RNGTT: variants seen among roughly 807,000 people sequenced by gnomAD.
RNGTT encodes RNA guanylyltransferase and 5'-phosphatase.
RNGTT carries 33 observed loss-of-function variants against 79.3 expected under a neutral mutation model. That is an observed-to-expected ratio of 0.42 (90% CI 0.32 to 0.56). RNGTT has a LOEUF of 0.56. RNGTT is among the 20% of genes least tolerant of loss of function. The probability of loss-of-function intolerance (pLI) is 0.17; values close to 1 mark genes in which losing one functional copy is unlikely to be tolerated. For missense variants in RNGTT, 497 were observed against 739.1 expected, an observed-to-expected ratio of 0.67 and a Z score of 3.80; for synonymous variants, 222 against 235.9, an observed-to-expected ratio of 0.94 and a Z score of 0.54.
At chr6:88,619,976 A>G (rs1475807008) in intron 14 of RNGTT, among the ~76,000 whole-genome samples, 1 of 152,236 alleles carries the variant, frequency 6.6e-6, no homozygotes, top group Non-Finnish European at 1.5e-5. Flanking sequence ...TAGCAGGGCC[A>G]TGACGTATTA....
chr6:88,872,994 C>G (rs1168206576), intron 8 of RNGTT, among the ~76,000 whole-genome samples: 7 of 151,930 alleles, frequency 4.6e-5, no homozygotes, highest in Non-Finnish European at 1.0e-4. Context: ...ACACAACACA[C>G]AGGTTATTCC....
chr6:88,810,169 A>C (rs565306048), intron 11 of RNGTT, among the ~76,000 whole-genome samples: 1 of 152,218 alleles, frequency 6.6e-6, no homozygotes, highest in African/African-American at 2.4e-5. Flanking sequence ...GAATTTCATA[A>C]TCTCAGATAT....
intron 14 of RNGTT, among the ~76,000 whole-genome samples, chr6:88,652,460 A>C (rs1329227505): frequency 6.6e-6 from 1 of 152,178 alleles, no homozygotes; most frequent in African/African-American, 2.4e-5. Context: ...ATTTACTGGA[A>C]TACATCTCTT....
chr6:88,924,006 G>A (rs1784242048), intron 4 of RNGTT, among the ~76,000 whole-genome samples: 2 of 152,184 alleles, frequency 1.3e-5, no homozygotes, highest in South Asian at 4.1e-4. Flanking sequence ...CACCGGGAGG[G>A]GTACTCAAGT....
chr6:88,960,581 AAAAAG>A (rs766901373), intron 1 of RNGTT, among the ~76,000 whole-genome samples: 31 of 152,316 alleles, frequency 2.0e-4, no homozygotes, highest in East Asian at 3.9e-4. Flanking sequence ...TAAAAATACA[AAAAAG>A]AAAAGAAAAG....
intron 14 of RNGTT, among the ~76,000 whole-genome samples, chr6:88,645,090 A>G (rs1430362370): frequency 6.6e-6 from 1 of 152,230 alleles, no homozygotes; most frequent in Non-Finnish European, 1.5e-5. Flanking sequence ...ACATGATTGT[A>G]TATCTAGAAA....
intron 12 of RNGTT, among the ~76,000 whole-genome samples, chr6:88,798,643 C>T (rs1779681190): frequency 6.6e-6 from 1 of 152,262 alleles, no homozygotes; most frequent in Non-Finnish European, 1.5e-5. Flanking sequence ...TAATTTACTA[C>T]ATAAATGGTG....
intron 8 of RNGTT, among the ~76,000 whole-genome samples, chr6:88,874,148 C>T (rs1385471624): frequency 6.6e-6 from 1 of 152,034 alleles, no homozygotes. Context: ...TACTCATTTG[C>T]ATTAATTACC....
rs1178325088 is a variant in RNGTT at position 88,759,762 on chromosome 6, T to G, written c.1439+10012A>C. 7.2e-5 allele frequency among the ~76,000 whole-genome samples: 11 copies of G among 152,168 alleles called. No homozygotes were observed. In the East Asian group the frequency reaches 2.1e-3, roughly 29 times the overall value. ...CCATAATTACAGCAAAAAACAAACC[T>G]AATAAAAAAGGAGTTCAAGATTTGT... On this transcript the variant is annotated intron_variant, in intron 13 of 15. Coordinates refer to ENST00000369485, the MANE Select transcript of RNGTT (RefSeq NM_003800.5).
chr6:88,890,422 C>G, intron 8 of RNGTT, 73 bp downstream of exon 8: 1 of 948,486 alleles, frequency 1.1e-6, no homozygotes, highest in Non-Finnish European at 1.6e-6. Flanking sequence ...AGAGTGTAAA[C>G]TTTTCTAACA....
intron 6 of RNGTT, 99 bp downstream of exon 6, chr6:88,904,616 C>A: frequency 7.4e-7 from 1 of 1,360,100 alleles, no homozygotes; most frequent in Admixed American, 2.4e-5. Context: ...TCTGACAAAC[C>A]TAGCTAAAGA....
At chr6:88,872,593 C>G (rs142801526) in intron 8 of RNGTT, among the ~76,000 whole-genome samples, 2 of 152,092 alleles carry the variant, frequency 1.3e-5, no homozygotes, top group Non-Finnish European at 1.5e-5. Flanking sequence ...ACAAAAAAGA[C>G]TCACCCAACC....
intron 4 of RNGTT, among the ~76,000 whole-genome samples, chr6:88,917,543 T>C (rs982558763): frequency 8.5e-5 from 13 of 152,132 alleles, no homozygotes; most frequent in African/African-American, 2.9e-4. Flanking sequence ...AATGGAGATA[T>C]AGTAAAGAAT....
intron 14 of RNGTT, among the ~76,000 whole-genome samples, chr6:88,618,356 A>T (rs1253430621): frequency 6.6e-6 from 1 of 152,224 alleles, no homozygotes; most frequent in Non-Finnish European, 1.5e-5. Context: ...CCACATGTAT[A>T]CAAACTAAAA....
intron 4 of RNGTT, among the ~76,000 whole-genome samples, chr6:88,911,089 C>A (rs1783815699): frequency 6.6e-6 from 1 of 152,082 alleles, no homozygotes; most frequent in African/African-American, 2.4e-5. Flanking sequence ...GGCTACAAAG[C>A]AACCAGCCAA....
At chr6:88,620,837 A>G (rs1772417099) in intron 14 of RNGTT, among the ~76,000 whole-genome samples, 2 of 152,158 alleles carry the variant, frequency 1.3e-5, no homozygotes, top group Non-Finnish European at 2.9e-5. Flanking sequence ...TTAATACAGA[A>G]TTCCTTTAGA....
Position 88,708,500 on chromosome 6 carries a change from T to A in RNGTT, c.1440-30081A>T, listed in dbSNP as rs530648238. On this transcript the variant is annotated intron_variant, in intron 13 of 15. Transcript: ENST00000369485. ...CCTCCTTCCCCTGACTAAGTGGCTATTGCCTAATGCCAGATCTCAGCTTTG... is the reference window on the plus strand; with the variant it reads ...CCTCCTTCCCCTGACTAAGTGGCTAATGCCTAATGCCAGATCTCAGCTTTG... 3.9e-5 allele frequency among the ~76,000 whole-genome samples: 6 copies of A among 152,218 alleles called. No individual in the cohort carries two copies. The East Asian group carries it at 1.2e-3, about 29-fold the overall frequency.
intron 13 of RNGTT, among the ~76,000 whole-genome samples, chr6:88,748,156 T>G (rs1777724470): frequency 6.6e-6 from 1 of 152,050 alleles, no homozygotes; most frequent in Non-Finnish European, 1.5e-5. Context: ...CAAGAGGGAT[T>G]CTCAAAGGGA....
intron 12 of RNGTT, among the ~76,000 whole-genome samples, chr6:88,783,004 A>T (rs1425639979): frequency 6.6e-6 from 1 of 152,152 alleles, no homozygotes; most frequent in African/African-American, 2.4e-5. Flanking sequence ...AAAAAATTAA[A>T]GACAGAACCA....
Sources: allele counts gnomAD v4.1 joint callset (sites outside exome capture counted in the v4.1 genomes callset), GRCh38; gene constraint gnomAD v4.1.1; transcripts MANE v1.5; gene names NCBI Gene and HGNC (gene_info 2026-07-23, HGNC 2026-07-21).